Variants in PRCD observed in about 807,000 individuals in gnomAD.
PRCD encodes photoreceptor disk component PRCD.
Under a neutral mutation model 10.1 loss-of-function variants are expected in PRCD, and 12 were observed. The ratio of observed to expected loss-of-function variants is 1.18; its 90% CI spans 0.76 to 1.92. The LOEUF (loss-of-function observed/expected upper bound fraction) is 1.92, where lower values mean the gene tolerates loss of function less well. Among genes scored for constraint, PRCD ranks in the 40% most tolerant of loss-of-function variants. The pLI, the probability that PRCD is intolerant of heterozygous loss-of-function variation, is 0.00. For missense variants in PRCD, 61 were observed against 72.2 expected (o/e 0.84, Z 0.56); for synonymous variants, 31 against 26.2 (o/e 1.18, Z -0.56).
Position 76,528,943 on chromosome 17 carries a change from T to G in PRCD, n.45+1110T>G, listed in dbSNP as rs1454278141. ...ATGTGAGCTCTTTTTCCATTAATTC[T>G]GAAACGTGGCGCATTCTGTCCGGCC... On this transcript the variant is annotated intron_variant and non_coding_transcript_variant, in intron 1 of 4. Coordinates refer to the PRCD transcript ENST00000397633. This position sits in a 1 kb window ranked among gnomAD's most constrained non-coding sequence, Gnocchi z 5.8. 1.8e-6 allele frequency: 2 copies of G among 1,103,484 alleles called. No individual in the cohort carries two copies. The highest frequency in any genetic ancestry group is 3.3e-5 in the African/African-American group (2 of 61,382). The allele number at this position is 1,103,484 out of a possible 1,614,324, so 68.4% of individuals were successfully genotyped here.
chr17:76,542,700 A>C (rs1262919101), intron 3 of PRCD, 67 bp downstream of exon 3: 3 of 1,015,384 alleles, frequency 3.0e-6, no homozygotes, highest in Non-Finnish European at 4.7e-6. Context: ...AGCAACAGGC[A>C]AGTCCCGGCC....
rs150098605 is a variant in PRCD at position 76,533,994 on chromosome 17, C to T, written n.45+6161C>T. Among the ~76,000 whole-genome samples, 76 of 151,652 alleles carry T rather than the reference C, an allele frequency of 5.0e-4. No homozygotes were observed. The highest frequency in any genetic ancestry group is 3.5e-3 in the Middle Eastern group (1 of 286). On this transcript the variant is annotated intron_variant and non_coding_transcript_variant, in intron 1 of 4. Coordinates refer to the PRCD transcript ENST00000397633. This position sits in a 1 kb window ranked among gnomAD's most constrained non-coding sequence, Gnocchi z 4.5. Reference sequence around the variant, plus strand: ...TGGAGGCTGCCATGAGCCATGATGGCGCCACCGTACTCCAGCTTGGGTGAC... The same window carrying T: ...TGGAGGCTGCCATGAGCCATGATGGTGCCACCGTACTCCAGCTTGGGTGAC...
At chr17:76,535,167 C>T (rs1023437299), upstream of PRCD, among the ~76,000 whole-genome samples, 2 of 152,232 alleles carry the variant, frequency 1.3e-5, no homozygotes, top group Non-Finnish European at 2.9e-5. Context: ...CCTCCACCCC[C>T]ACCAATGTGG....
chr17:76,531,764 T>TC lies in PRCD; in HGVS notation n.45+3931_45+3932insC. 1.6e-6 allele frequency: 2 copies of TC among 1,267,384 alleles called. No homozygotes were observed. The highest frequency in any genetic ancestry group is 2.2e-6 in the Non-Finnish European group (2 of 903,204). The allele number at this position is 1,267,384 out of a possible 1,614,324, so 78.5% of individuals were successfully genotyped here. Reference sequence around the variant, plus strand: ...GCCCACCCTGAAGCTTCCAGGATAGTGGGGGCTGAAGAAGTGGACCGCAGT... The same window carrying TC: ...GCCCACCCTGAAGCTTCCAGGATAGTCGGGGGCTGAAGAAGTGGACCGCAGT... On this transcript the variant is annotated intron_variant and non_coding_transcript_variant, in intron 1 of 4. Transcript: ENST00000397633. This position sits in a 1 kb window ranked among gnomAD's most constrained non-coding sequence, Gnocchi z 7.4.
intron 2 of PRCD, among the ~76,000 whole-genome samples, chr17:76,541,034 G>A (rs2074986631): frequency 6.6e-6 from 1 of 152,202 alleles, no homozygotes; most frequent in African/African-American, 2.4e-5. Context: ...GACATCATCA[G>A]CATAGAGTGC....
At chr17:76,538,020 A>C (rs910772910), upstream of PRCD, 5 of 149,924 alleles carry the variant, frequency 3.3e-5, no homozygotes, top group African/African-American at 1.2e-4. Flanking sequence ...CGGGCCGCAC[A>C]GGAGTGCGCT....
chr17:76,549,516 G>A (rs987636792), downstream of PRCD, among the ~76,000 whole-genome samples: 2 of 152,214 alleles, frequency 1.3e-5, no homozygotes, highest in African/African-American at 4.8e-5. Flanking sequence ...GTCATACACG[G>A]CTGGGGACTG....
At chr17:76,546,704 C>T (rs948190094), downstream of PRCD, 6 of 152,182 alleles carry the variant, frequency 3.9e-5, no homozygotes, top group East Asian at 1.9e-4. This position sits in a 1 kb window ranked among gnomAD's most constrained non-coding sequence, Gnocchi z 4.5. Flanking sequence ...TTGGTTCGCA[C>T]GGAAGCTTAT....
downstream of PRCD, among the ~76,000 whole-genome samples, chr17:76,547,850 CACAGACAT>C (rs1415774262): frequency 7.6e-6 from 1 of 131,580 alleles, no homozygotes; most frequent in African/African-American, 3.7e-5. Context: ...TTCACACACA[CACAGACAT>C]ACACATATAC....
At chr17:76,538,930 A>G (rs2143132990), upstream of PRCD, among the ~76,000 whole-genome samples, 1 of 152,314 alleles carries the variant, frequency 6.6e-6, no homozygotes, top group Non-Finnish European at 1.5e-5. Flanking sequence ...TGGTTCATGT[A>G]TTTATTCTTA....
In PRCD at chr17:76,540,250, T is replaced by TGGGGGGGGGGGGGGGGGGGGGTGGGGGGG; in HGVS notation, c.74+35_74+36insGGGGGGGGGGGGGGGGGGGGGTGGGGGGG. On this transcript the variant is annotated intron_variant, in intron 1 of 4. Transcript: ENST00000592014. This position sits in a 1 kb window ranked among gnomAD's most constrained non-coding sequence, Gnocchi z 5.0. ...TGACCGGGCTATGGCTGGCGGTTGGTCGGGGGGGGGGGGCATGGGGCTGGG... is the reference window on the plus strand; with the variant it reads ...TGACCGGGCTATGGCTGGCGGTTGGTGGGGGGGGGGGGGGGGGGGGGTGGGGGGGCGGGGGGGGGGGGCATGGGGCTGGG... The TGGGGGGGGGGGGGGGGGGGGGTGGGGGGG allele has an allele frequency of 2.2e-6, 1 of 463,680 alleles. No homozygotes were observed. Among genetic ancestry groups the TGGGGGGGGGGGGGGGGGGGGGTGGGGGGG allele is most frequent in the Non-Finnish European group, 3.6e-6 (1 of 276,416 alleles). The allele number at this position is 463,680 out of a possible 1,614,324, so 28.7% of individuals were successfully genotyped here.
Position 76,544,269 on chromosome 17 carries a change from T to C in PRCD, c.*619T>C, listed in dbSNP as rs1483557366. 1 of 454,422 alleles carries C rather than the reference T, an allele frequency of 2.2e-6. No homozygotes were observed. Among genetic ancestry groups the C allele is most frequent in the Non-Finnish European group, 4.4e-6 (1 of 226,818 alleles). The allele number at this position is 454,422 out of a possible 1,614,324, so 28.1% of individuals were successfully genotyped here. A position where few individuals can be genotyped will look rare whatever the true frequency, so the allele number is the denominator to read the frequency against. ...CCAGCCCAGCGGCGATGTCTCTGCC[T>C]GGCTGGCCCGTGCCCTTGACTTCCA... On this transcript the variant is annotated 3_prime_UTR_variant, in exon 5 of 5. Transcript: ENST00000592014.
At position 76,530,866 on chromosome 17, in the gene PRCD, A is replaced by G. The variant is rs2143078781; in HGVS notation, n.45+3033A>G. The stretch of plus-strand genomic sequence containing the variant: ...CAGACCCCAGGGTTGGCCTGCCTCA[A>G]GTGTGCCTGCCCAGGTGATCAGCCC... On this transcript the variant is annotated intron_variant and non_coding_transcript_variant, in intron 1 of 4. Transcript: ENST00000397633. The surrounding 1 kb of genome is among the most constrained non-coding windows in gnomAD (Gnocchi z 6.1). The G allele has an allele frequency of 4.0e-6, 5 of 1,264,766 alleles. No individual in the cohort carries two copies. The highest frequency in any genetic ancestry group is 2.8e-4 in the Middle Eastern group (1 of 3,552). The allele number at this position is 1,264,766 out of a possible 1,614,324, so 78.3% of individuals were successfully genotyped here.
In PRCD at chr17:76,528,313, G is replaced by A; in HGVS notation, n.45+480G>A. On this transcript the variant is annotated intron_variant and non_coding_transcript_variant, in intron 1 of 4. Transcript: ENST00000397633. The surrounding 1 kb of genome is among the most constrained non-coding windows in gnomAD (Gnocchi z 5.8). Reference sequence around the variant, plus strand: ...CCGCTTCCTGCCAGCCGCTCAGCTAGGTCTCTCTCTAACAGTGAGTAGAAA... The same window carrying A: ...CCGCTTCCTGCCAGCCGCTCAGCTAAGTCTCTCTCTAACAGTGAGTAGAAA... 1 of 400,916 alleles carries A rather than the reference G, an allele frequency of 2.5e-6. No individual in the cohort carries two copies. The allele number at this position is 400,916 out of a possible 1,614,324, so 24.8% of individuals were successfully genotyped here. A position where few individuals can be genotyped will look rare whatever the true frequency, so the allele number is the denominator to read the frequency against.
At position 76,530,728 on chromosome 17, in the gene PRCD, G is replaced by T. The variant is rs1201032405; in HGVS notation, n.45+2895G>T. Among the ~76,000 whole-genome samples the T allele has an allele frequency of 1.3e-5, 2 of 152,200 alleles. No individual in the cohort carries two copies. The highest frequency in any genetic ancestry group is 2.9e-5 in the Non-Finnish European group (2 of 68,022). ...GCTCTGAGCTCTCCCTGGCTCTAGG[G>T]AAGGGGAAGGCTCTTTGGGAGGATT... On this transcript the variant is annotated intron_variant and non_coding_transcript_variant, in intron 1 of 4. Transcript: ENST00000397633. This position sits in a 1 kb window ranked among gnomAD's most constrained non-coding sequence, Gnocchi z 6.1.
chr17:76,549,630 A>G (rs1334873149), downstream of PRCD, among the ~76,000 whole-genome samples: 1 of 152,254 alleles, frequency 6.6e-6, no homozygotes, highest in African/African-American at 2.4e-5. Context: ...AAAGATGTTC[A>G]TGGCAGCTTT....
chr17:76,531,014 T>C lies in PRCD; in HGVS notation n.45+3181T>C. 6.2e-7 allele frequency: 1 copy of C among 1,612,602 alleles called. No individual in the cohort carries two copies. Among genetic ancestry groups the C allele is most frequent in the Non-Finnish European group, 8.5e-7 (1 of 1,179,508 alleles). On this transcript the variant is annotated intron_variant and non_coding_transcript_variant, in intron 1 of 4. Transcript: ENST00000397633. This position sits in a 1 kb window ranked among gnomAD's most constrained non-coding sequence, Gnocchi z 7.4. Reference sequence around the variant, plus strand: ...TGGGGACCTGCTGCACCCAGCCCACTTCCTTGTAGGCAGCGGTCACGTGGC... The same window carrying C: ...TGGGGACCTGCTGCACCCAGCCCACCTCCTTGTAGGCAGCGGTCACGTGGC...
At position 76,544,888 on chromosome 17, in the gene PRCD, G is replaced by T. The variant is rs189599263; in HGVS notation, c.*1238G>T. The T allele has an allele frequency of 2.2e-6, 1 of 456,766 alleles. No individual in the cohort carries two copies. Among genetic ancestry groups the T allele is most frequent in the Non-Finnish European group, 4.4e-6 (1 of 226,972 alleles). The allele number at this position is 456,766 out of a possible 1,614,324, so 28.3% of individuals were successfully genotyped here. A position where few individuals can be genotyped will look rare whatever the true frequency, so the allele number is the denominator to read the frequency against. On this transcript the variant is annotated 3_prime_UTR_variant, in exon 5 of 5. Coordinates refer to ENST00000592014, the MANE Select transcript of PRCD (RefSeq NM_001077620.3). ...CCCAGACGCACTTCCCCAGGGCAGC[G>T]CCCCTCCACGCCACTGTTCCGAGAA...
At chr17:76,529,674 T>C in intron 1 of PRCD, 1 of 985,360 alleles carries the variant, frequency 1.0e-6, no homozygotes, top group Non-Finnish European at 1.2e-6. Context: ...CCCCCTCCCC[T>C]CCTCTTCCCC....
Sources: allele counts gnomAD v4.1 joint callset (sites outside exome capture counted in the v4.1 genomes callset), GRCh38; gene constraint gnomAD v4.1.1; non-coding constraint Gnocchi (gnomAD v3.1); transcripts MANE v1.5; gene names NCBI Gene and HGNC (gene_info 2026-07-23, HGNC 2026-07-21).